Variants in ZNF827 observed in about 807,000 individuals in gnomAD.
The protein encoded by ZNF827 is zinc finger protein 827.
A neutral mutation model predicts 102.4 loss-of-function variants in ZNF827; 13 were observed. That is an observed-to-expected ratio of 0.13 (90% CI 0.08 to 0.20). The LOEUF (loss-of-function observed/expected upper bound fraction) is 0.20. Among genes scored for constraint, ZNF827 ranks in the 10% least tolerant of loss-of-function variants. The pLI, the probability that ZNF827 is intolerant of heterozygous loss-of-function variation, is 1.00. For synonymous variants in ZNF827, 523 were observed against 536.2 expected (o/e 0.98, Z 0.34); for missense variants, 1,103 against 1,344.4 (o/e 0.82, Z 2.81).
At chr4:145,829,691 C>T (rs572303719) in intron 7 of ZNF827, among the ~76,000 whole-genome samples, 107 of 152,334 alleles carry the variant, frequency 7.0e-4, no homozygotes, top group African/African-American at 2.4e-3. Context: ...CCAACGTGTT[C>T]TTTCTCTAAC....
chr4:145,865,445 G>A (rs1748098582), intron 5 of ZNF827, among the ~76,000 whole-genome samples: 1 of 152,152 alleles, frequency 6.6e-6, no homozygotes, highest in East Asian at 1.9e-4. Flanking sequence ...AACCTTAGCT[G>A]TCAGAATCGC....
At chr4:145,848,702 A>G (rs1245145550) in intron 6 of ZNF827, among the ~76,000 whole-genome samples, 1 of 152,238 alleles carries the variant, frequency 6.6e-6, no homozygotes, top group Non-Finnish European at 1.5e-5. Context: ...GGAACAACTT[A>G]GGTACTGGGA....
intron 3 of ZNF827, among the ~76,000 whole-genome samples, chr4:145,886,534 A>T (rs1750133351): frequency 6.6e-6 from 1 of 152,238 alleles, no homozygotes; most frequent in South Asian, 2.1e-4. Context: ...TAACCTGTCA[A>T]GTAATTCCTC....
intron 1 of ZNF827, among the ~76,000 whole-genome samples, chr4:145,904,157 C>T (rs756478937): frequency 3.0e-4 from 45 of 152,324 alleles, no homozygotes; most frequent in Middle Eastern, 3.4e-3. Flanking sequence ...CCTTTTCTCA[C>T]GATATTCCTT....
Position 145,765,532 on chromosome 4 carries a change from C to G in ZNF827, c.3052+15G>C, listed in dbSNP as rs768721535. 1 of 1,602,662 alleles carries G rather than the reference C, an allele frequency of 6.2e-7. No homozygotes were observed. The highest frequency in any genetic ancestry group is 1.7e-5 in the Admixed American group (1 of 59,250). The stretch of plus-strand genomic sequence containing the variant: ...TGCGGAGGGTTGAGCAGGCTCACAC[C>G]CACCTCCTCCTTACCTTTCTCTGGC... On this transcript the variant is annotated intron_variant, in intron 12 of 14. Transcript: ENST00000508784. The surrounding 1 kb of genome is among the most constrained non-coding windows in gnomAD (Gnocchi z 4.7).
At chr4:145,848,865 C>T (rs1287511110) in intron 6 of ZNF827, among the ~76,000 whole-genome samples, 1 of 152,144 alleles carries the variant, frequency 6.6e-6, no homozygotes, top group African/African-American at 2.4e-5. Flanking sequence ...TTTGCTTTTC[C>T]CTTCTTTGTT....
At chr4:145,912,192 C>A (rs1026634907) in intron 1 of ZNF827, among the ~76,000 whole-genome samples, 10 of 152,174 alleles carry the variant, frequency 6.6e-5, no homozygotes, top group Admixed American at 5.2e-4. Flanking sequence ...AAAGTGCACA[C>A]ACACTCAAAC....
At chr4:145,884,330 A>G (rs750783824) in intron 4 of ZNF827, among the ~76,000 whole-genome samples, 25 of 152,168 alleles carry the variant, frequency 1.6e-4, no homozygotes, top group Non-Finnish European at 2.9e-4. Context: ...AGTGTCCCTG[A>G]GCAAAGGGAC....
intron 2 of ZNF827, among the ~76,000 whole-genome samples, chr4:145,896,838 G>GATAT (rs1751009771): frequency 6.6e-6 from 1 of 152,150 alleles, no homozygotes; most frequent in African/African-American, 2.4e-5. Context: ...AAAGTACAGA[G>GATAT]ATATATGTTG....
Position 145,799,834 on chromosome 4 carries a change from G to A in ZNF827, c.2384-20323C>T, listed in dbSNP as rs1387004696. 2.6e-5 allele frequency among the ~76,000 whole-genome samples: 4 copies of A among 152,254 alleles called. No homozygotes were observed. The East Asian group carries it at 7.7e-4, about 29-fold the overall frequency. ...GATGTGGATGTGATGGTGGGAGTAG[G>A]AGCAGCCATAGTAGACCATAAGATG... On this transcript the variant is annotated intron_variant, in intron 8 of 14. Transcript: ENST00000508784.
chr4:145,817,533 A>G (rs1029796874), intron 8 of ZNF827, among the ~76,000 whole-genome samples: 7 of 152,194 alleles, frequency 4.6e-5, no homozygotes, highest in Non-Finnish European at 7.3e-5. Context: ...GGAGGCAGAC[A>G]AGGGTGAGTG....
intron 8 of ZNF827, among the ~76,000 whole-genome samples, chr4:145,793,288 T>TAAG: frequency 2.1e-5 from 3 of 142,516 alleles, no homozygotes; most frequent in African/African-American, 7.7e-5. Context: ...ATAATATATA[T>TAAG]ATGATATATA....
intron 4 of ZNF827, among the ~76,000 whole-genome samples, chr4:145,883,500 G>C (rs1749851514): frequency 6.6e-6 from 1 of 152,048 alleles, no homozygotes; most frequent in Non-Finnish European, 1.5e-5. Flanking sequence ...TGCTTGCAGT[G>C]CTGGCTCTAA....
At chr4:145,928,029 G>A (rs1405180276) in intron 1 of ZNF827, among the ~76,000 whole-genome samples, 1 of 152,190 alleles carries the variant, frequency 6.6e-6, no homozygotes, top group African/African-American at 2.4e-5. Flanking sequence ...CCTGCCTACT[G>A]TAGATTCCTT....
Position 145,849,540 on chromosome 4 carries a change from T to C in ZNF827, c.2003A>G (p.Gln668Arg). The C allele has an allele frequency of 1.2e-6, 2 of 1,614,190 alleles. No homozygotes were observed. Among genetic ancestry groups the C allele is most frequent in the Non-Finnish European group, 1.7e-6 (2 of 1,180,016 alleles). ...KLSAESYKET[Q>R]MVKIKEEPME... The stretch of plus-strand genomic sequence containing the variant: ...GGGTTCCTCTTTAATCTTCACCATC[T>C]GTGTTTCCTTGTAGCTTTCCGCTGC... Residue 668 changes from glutamine (Q) to arginine (R), a missense_variant, in exon 6 of 15, where the codon CAG becomes CGG. Gln to Arg is a conservative substitution (Grantham distance 43). Coordinates refer to ENST00000508784, the MANE Select transcript of ZNF827 (RefSeq NM_001306215.2).
intron 8 of ZNF827, among the ~76,000 whole-genome samples, chr4:145,791,462 AGAG>A (rs1330786878): frequency 6.6e-6 from 1 of 152,204 alleles, no homozygotes; most frequent in African/African-American, 2.4e-5. Context: ...GTTAGCTAGG[AGAG>A]GAGGAAAGGG....
At chr4:145,893,194 T>C (rs552475628) in intron 2 of ZNF827, among the ~76,000 whole-genome samples, 29 of 152,288 alleles carry the variant, frequency 1.9e-4, no homozygotes, top group Non-Finnish European at 1.6e-4. Context: ...ACAAACCAAC[T>C]ACCTCCTCCA....
chr4:145,930,134 A>T (rs192301079), intron 1 of ZNF827, among the ~76,000 whole-genome samples: 1 of 152,326 alleles, frequency 6.6e-6, no homozygotes, highest in Non-Finnish European at 1.5e-5. Context: ...ACAAAACAAC[A>T]ACAAAAGCTT....
intron 1 of ZNF827, among the ~76,000 whole-genome samples, chr4:145,915,582 A>C (rs1752609745): frequency 6.6e-6 from 1 of 152,180 alleles, no homozygotes; most frequent in Non-Finnish European, 1.5e-5. Context: ...TTGAGGATTG[A>C]GTTTCCAACA....
Sources: gnomAD v4.1 joint callset for allele counts (sites outside exome capture counted in the v4.1 genomes callset) on GRCh38, gnomAD v4.1.1 for gene constraint, Gnocchi (gnomAD v3.1) non-coding constraint, MANE v1.5 for transcripts, NCBI Gene and HGNC (gene_info 2026-07-23, HGNC 2026-07-21) for gene names.